Variants in RSRC1 observed in about 807,000 individuals in gnomAD.
RSRC1 encodes serine/Arginine-related protein 53.
Under a neutral mutation model 49.1 loss-of-function variants are expected in RSRC1, and 39 were observed. That is an observed-to-expected ratio of 0.79 (90% CI 0.61 to 1.04). The LOEUF is 1.04. Ranked by LOEUF, RSRC1 falls within the 50% of genes least tolerant of loss-of-function variation. The pLI, the probability that RSRC1 is intolerant of heterozygous loss-of-function variation, is 0.00. For missense variants in RSRC1, 388 were observed against 402.4 expected, an observed-to-expected ratio of 0.96 and a Z score of 0.31; for synonymous variants, 143 against 130.8, an observed-to-expected ratio of 1.09 and a Z score of -0.63.
At chr3:158,529,214 G>GTGTATATATATATA (rs374368016) in intron 7 of RSRC1, among the ~76,000 whole-genome samples, 1 of 143,126 alleles carries the variant, frequency 7.0e-6, no homozygotes, top group East Asian at 2.0e-4. Flanking sequence ...ATGTGTGTGT[G>GTGTATATATATATA]TATATATATA....
At chr3:158,387,573 A>G (rs192089979) in intron 6 of RSRC1, among the ~76,000 whole-genome samples, 3 of 152,302 alleles carry the variant, frequency 2.0e-5, no homozygotes, top group Non-Finnish European at 4.4e-5. Context: ...TTAAAATTCC[A>G]TAGTTTTTCA....
At chr3:158,513,262 T>A (rs1234845227) in intron 7 of RSRC1, among the ~76,000 whole-genome samples, 2 of 150,828 alleles carry the variant, frequency 1.3e-5, no homozygotes, top group Non-Finnish European at 3.0e-5. Context: ...TTGTCATAGA[T>A]AGCTCTTATT....
chr3:158,169,647 A>G (rs912666874), intron 3 of RSRC1, among the ~76,000 whole-genome samples: 3 of 152,140 alleles, frequency 2.0e-5, no homozygotes, highest in African/African-American at 7.2e-5. Context: ...TCAGAATTGC[A>G]TTCTGAAAGA....
chr3:158,189,229 G>A (rs1366926320), intron 3 of RSRC1, among the ~76,000 whole-genome samples: 1 of 151,750 alleles, frequency 6.6e-6, no homozygotes, highest in Non-Finnish European at 1.5e-5. Flanking sequence ...CTACCTTCGT[G>A]GCCCGCCATA....
chr3:158,183,940 T>C (rs973071223), intron 3 of RSRC1, among the ~76,000 whole-genome samples: 1 of 152,108 alleles, frequency 6.6e-6, no homozygotes, highest in African/African-American at 2.4e-5. Context: ...TTTGGTCTTA[T>C]TGTTGATAAA....
intron 6 of RSRC1, among the ~76,000 whole-genome samples, chr3:158,429,134 T>A (rs376410397): frequency 2.6e-5 from 4 of 152,024 alleles, no homozygotes. Flanking sequence ...GAGCTGGTAC[T>A]TTCAGCCCTT....
At chr3:158,157,347 A>G (rs1173075686) in intron 3 of RSRC1, among the ~76,000 whole-genome samples, 1 of 152,220 alleles carries the variant, frequency 6.6e-6, no homozygotes, top group East Asian at 1.9e-4. Context: ...CTGATGAGGA[A>G]ACTGAGTCTT....
chr3:158,319,984 A>G (rs1003313292), intron 5 of RSRC1, among the ~76,000 whole-genome samples: 1 of 152,238 alleles, frequency 6.6e-6, no homozygotes, highest in Non-Finnish European at 1.5e-5. Context: ...GAATTTTAAC[A>G]CTTGTTAATC....
intron 6 of RSRC1, among the ~76,000 whole-genome samples, chr3:158,389,084 A>T (rs575409669): frequency 6.6e-6 from 1 of 152,368 alleles, no homozygotes; most frequent in East Asian, 1.9e-4. Context: ...AGGGAAAAGT[A>T]AATGAAAGTA....
chr3:158,120,051 G>A (rs79073879), intron 1 of RSRC1, among the ~76,000 whole-genome samples: 3 of 151,926 alleles, frequency 2.0e-5, no homozygotes, highest in African/African-American at 4.8e-5. Flanking sequence ...GGCTGGTCTC[G>A]AACTCCTGAC....
intron 3 of RSRC1, among the ~76,000 whole-genome samples, chr3:158,193,750 T>A (rs1395271129): frequency 6.6e-6 from 1 of 152,032 alleles, no homozygotes; most frequent in Non-Finnish European, 1.5e-5. Flanking sequence ...CAGAAAAGAA[T>A]CAGGTAACAT....
chr3:158,251,029 G>T (rs989200212), intron 4 of RSRC1, among the ~76,000 whole-genome samples: 2 of 152,120 alleles, frequency 1.3e-5, no homozygotes, highest in African/African-American at 4.8e-5. Context: ...TGAGAAATAG[G>T]AGCCTAGTTT....
chr3:158,516,364 T>G (rs1290433307), intron 7 of RSRC1, among the ~76,000 whole-genome samples: 11 of 151,952 alleles, frequency 7.2e-5, no homozygotes, highest in Admixed American at 7.2e-4. Context: ...CCGTGTGAGG[T>G]GTCAGTGTGC....
At chr3:158,215,890 T>C (rs1436689870) in intron 4 of RSRC1, among the ~76,000 whole-genome samples, 1 of 151,764 alleles carries the variant, frequency 6.6e-6, no homozygotes, top group African/African-American at 2.4e-5. Flanking sequence ...TACCATTCTC[T>C]TGTGTTGTAG....
chr3:158,267,844 GT>G (rs760082295), intron 4 of RSRC1, among the ~76,000 whole-genome samples: 3 of 95,316 alleles, frequency 3.1e-5, no homozygotes, highest in Non-Finnish European at 6.4e-5. Context: ...TTCTTATGCT[GT>G]TTGTTTCCAT....
intron 4 of RSRC1, among the ~76,000 whole-genome samples, chr3:158,206,023 A>T (rs1265456174): frequency 6.6e-6 from 1 of 152,196 alleles, no homozygotes; most frequent in Non-Finnish European, 1.5e-5. Context: ...AGGTAATAGT[A>T]AACTAACAGG....
At chr3:158,219,065 G>T (rs1722099163) in intron 4 of RSRC1, among the ~76,000 whole-genome samples, 2 of 151,626 alleles carry the variant, frequency 1.3e-5, no homozygotes, top group Non-Finnish European at 3.0e-5. Flanking sequence ...AGTCAAGGAA[G>T]ATTTTCTGGA....
At chr3:158,508,979 A>G (rs1740013075) in intron 7 of RSRC1, among the ~76,000 whole-genome samples, 1 of 152,052 alleles carries the variant, frequency 6.6e-6, no homozygotes, top group South Asian at 2.1e-4. Context: ...GTATTCTTTG[A>G]GACACGAATG....
At chr3:158,395,603 TA>T (rs1733570987) in intron 6 of RSRC1, among the ~76,000 whole-genome samples, 1 of 152,010 alleles carries the variant, frequency 6.6e-6, no homozygotes, top group African/African-American at 2.4e-5. Context: ...TTGCTAGAGA[TA>T]TGCAAACCAA....
Sources: gnomAD v4.1 joint callset for allele counts (sites outside exome capture counted in the v4.1 genomes callset) on GRCh38, gnomAD v4.1.1 for gene constraint, MANE v1.5 for transcripts, NCBI Gene and HGNC (gene_info 2026-07-23, HGNC 2026-07-21) for gene names.